The following PRELID2 variants were observed in gnomAD, a reference collection of about 807,000 sequenced individuals.
PRELID2 encodes PRELI domain-containing protein 2.
PRELID2 carries 25 observed loss-of-function variants against 28.4 expected under a neutral mutation model. The ratio of observed to expected loss-of-function variants is 0.88; its 90% CI spans 0.64 to 1.23. PRELID2 has a LOEUF of 1.23. PRELID2 is among the 50% of genes most tolerant of loss of function. The pLI is 0.00. For synonymous variants in PRELID2, 76 were observed against 71.6 expected, an observed-to-expected ratio of 1.06 and a Z score of -0.31; for missense variants, 201 against 214.4, an observed-to-expected ratio of 0.94 and a Z score of 0.39.
chr5:145,569,632 A>G (rs1453378325), intron 1 of PRELID2, among the ~76,000 whole-genome samples: 1 of 152,180 alleles, frequency 6.6e-6, no homozygotes, highest in African/African-American at 2.4e-5. Context: ...ATCTCAAAAA[A>G]CCTATGACAG....
At chr5:145,768,827 T>C (rs1020332023) in intron 5 of PRELID2, among the ~76,000 whole-genome samples, 4 of 152,214 alleles carry the variant, frequency 2.6e-5, no homozygotes, top group Admixed American at 6.5e-5. Flanking sequence ...TTGATTTTTC[T>C]TTCCCTTTTT....
chr5:145,516,411 C>T (rs930454712), intron 1 of PRELID2, among the ~76,000 whole-genome samples: 3 of 152,098 alleles, frequency 2.0e-5, no homozygotes, highest in Admixed American at 6.5e-5. Context: ...AATAAAATGC[C>T]TAGCAATACA....
chr5:145,661,666 T>TTAAAAAAAAAAAAAAAAA (rs1464264082), intron 1 of PRELID2, among the ~76,000 whole-genome samples: 1 of 97,184 alleles, frequency 1.0e-5, no homozygotes. Flanking sequence ...AACAAGCCAT[T>TTAAAAAAAAAAAAAAAAA]AAAAAAAAAA....
intron 1 of PRELID2, among the ~76,000 whole-genome samples, chr5:145,697,692 AAGATTTGGGGGAAATTGTCATAAATGC>A (rs1403306615): frequency 1.2e-4 from 19 of 152,276 alleles, no homozygotes; most frequent in Middle Eastern, 3.4e-3. Context: ...AACTAACTTG[AAGATTTGGGGGAAATTGTCATAAATGC>A]AGTCCATTTC....
intron 1 of PRELID2, among the ~76,000 whole-genome samples, chr5:145,639,216 T>A (rs1341219985): frequency 6.6e-6 from 1 of 152,152 alleles, no homozygotes; most frequent in African/African-American, 2.4e-5. Context: ...AAGACAACTT[T>A]GGGCCCTATT....
rs187106118 is a variant in PRELID2, at chr5:145,779,033, G to A, written c.475-14033C>T. 2.1e-4 allele frequency among the ~76,000 whole-genome samples: 32 copies of A among 152,240 alleles called. No homozygotes were observed. In the East Asian group the frequency reaches 6.0e-3, roughly 28 times the overall value. ...TACTCAAAAAATATGACCTGTTACTGTTACCTTTCTGATTACTCCTGTGTC... is the reference window on the plus strand; with the variant it reads ...TACTCAAAAAATATGACCTGTTACTATTACCTTTCTGATTACTCCTGTGTC... On this transcript the variant is annotated intron_variant, in intron 5 of 6. Transcript: ENST00000683046.
the PRELID2 span, among the ~76,000 whole-genome samples, chr5:145,383,841 C>T: frequency 6.6e-6 from 1 of 151,896 alleles, no homozygotes; most frequent in Non-Finnish European, 1.5e-5. Context: ...TACACACACA[C>T]ATACACACAC....
intron 1 of PRELID2, among the ~76,000 whole-genome samples, chr5:145,522,392 CAG>C (rs200419638): frequency 6.9e-6 from 1 of 145,090 alleles, no homozygotes; most frequent in African/African-American, 2.5e-5. Context: ...TCTATAGATA[CAG>C]AGACACACAC....
chr5:145,626,652 C>A (rs1753849941), intron 1 of PRELID2, among the ~76,000 whole-genome samples: 1 of 151,974 alleles, frequency 6.6e-6, no homozygotes, highest in African/African-American at 2.4e-5. Context: ...ACCCTACAAT[C>A]CAGCAATCCC....
the PRELID2 span, among the ~76,000 whole-genome samples, chr5:145,454,256 A>G: frequency 6.6e-6 from 1 of 152,198 alleles, no homozygotes; most frequent in African/African-American, 2.4e-5. Context: ...TTCTCAATAA[A>G]TTAGGTATTG....
the PRELID2 span, among the ~76,000 whole-genome samples, chr5:145,447,220 C>T: frequency 5.9e-5 from 9 of 151,824 alleles, no homozygotes; most frequent in South Asian, 4.1e-4. Flanking sequence ...TTTTCAGTAC[C>T]GCATGAGGTT....
At chr5:145,605,327 C>A (rs897447067) in intron 1 of PRELID2, among the ~76,000 whole-genome samples, 6 of 151,930 alleles carry the variant, frequency 3.9e-5, no homozygotes, top group Non-Finnish European at 7.4e-5. Flanking sequence ...ATATCTTTAA[C>A]CCATCTTGAT....
chr5:145,489,283 T>C (rs1752247426), intron 1 of PRELID2, among the ~76,000 whole-genome samples: 1 of 152,240 alleles, frequency 6.6e-6, no homozygotes, highest in South Asian at 2.1e-4. Flanking sequence ...GCATCATCAT[T>C]AGCTATTTGA....
intron 1 of PRELID2, among the ~76,000 whole-genome samples, chr5:145,598,279 A>T (rs1335658203): frequency 6.6e-6 from 1 of 152,156 alleles, no homozygotes; most frequent in Non-Finnish European, 1.5e-5. Context: ...GTTGGAGAAC[A>T]AAGTCAAAAT....
chr5:145,753,439 C>A (rs1028305544), downstream of PRELID2, among the ~76,000 whole-genome samples: 2 of 152,190 alleles, frequency 1.3e-5, no homozygotes, highest in African/African-American at 4.8e-5. Flanking sequence ...TTTTTAGAAT[C>A]TCTTTTCTTC....
At chr5:145,411,907 A>G in the PRELID2 span, among the ~76,000 whole-genome samples, 1 of 152,126 alleles carries the variant, frequency 6.6e-6, no homozygotes, top group Admixed American at 6.5e-5. Context: ...GCCGCCAAAT[A>G]TGGGCTTTGC....
At chr5:145,506,731 A>G (rs939586905) in intron 1 of PRELID2, among the ~76,000 whole-genome samples, 5 of 152,148 alleles carry the variant, frequency 3.3e-5, no homozygotes, top group African/African-American at 1.2e-4. Context: ...TAATCCTATT[A>G]AGGACAATGA....
rs549178044 is a variant in PRELID2, at chr5:145,744,266, C to G, written n.70+20665G>C. On this transcript the variant is annotated intron_variant and non_coding_transcript_variant, in intron 1 of 2. Coordinates refer to the PRELID2 transcript ENST00000510259. ...TCTCCTGCAGACCAGCAGACTTAGT[C>G]TTTCCTCAGACTTAGTTCTGAGGAA... is the stretch of plus-strand genomic sequence containing the variant. Among the ~76,000 whole-genome samples the G allele has an allele frequency of 2.0e-5, 3 of 150,442 alleles. No homozygotes were observed. The South Asian group carries it at 6.2e-4, about 31-fold the overall frequency.
chr5:145,829,037 G>T (rs1179761921), intron 1 of PRELID2, among the ~76,000 whole-genome samples: 2 of 151,428 alleles, frequency 1.3e-5, no homozygotes, highest in African/African-American at 4.9e-5. Flanking sequence ...GTGTCTGTGT[G>T]GTTTGGGGTT....
Sources: allele counts gnomAD v4.1 joint callset (sites outside exome capture counted in the v4.1 genomes callset), GRCh38; gene constraint gnomAD v4.1.1; transcripts MANE v1.5; gene names NCBI Gene and HGNC (gene_info 2026-07-23, HGNC 2026-07-21).